RNF123: variants seen among roughly 807,000 people sequenced by gnomAD.
RNF123 encodes the protein E3 ubiquitin-protein ligase RNF123.
In RNF123, 86 loss-of-function variants were observed where a neutral mutation model predicts 168.5. The ratio of observed to expected loss-of-function variants is 0.51; its 90% CI spans 0.43 to 0.61. The LOEUF (loss-of-function observed/expected upper bound fraction) is 0.61, where lower values mean the gene tolerates loss of function less well. RNF123 is among the 20% of genes least tolerant of loss of function. The probability of loss-of-function intolerance (pLI) is 0.00; values close to 1 mark genes in which losing one functional copy is unlikely to be tolerated. For synonymous variants in RNF123, 666 were observed against 689.1 expected (o/e 0.97, Z 0.52); for missense variants, 1,419 against 1,729.7 (o/e 0.82, Z 3.19).
rs199932717 is a variant in RNF123 at position 49,699,753 on chromosome 3, A to C, written c.965A>C (p.His322Pro). 6.8e-6 allele frequency: 11 copies of C among 1,613,494 alleles called. No individual in the cohort carries two copies. The highest frequency in any genetic ancestry group is 9.3e-6 in the Non-Finnish European group (11 of 1,179,952). The change falls in exon 12 of 39, where the codon CAT becomes CCT. Residue 322 changes from histidine (H) to proline (P), a missense_variant. This residue lies in a region of RNF123 where 318 missense variants were observed against 446.6 expected (regional missense o/e 0.71). Coordinates refer to ENST00000327697, the MANE Select transcript of RNF123 (RefSeq NM_022064.5). The surrounding 1 kb of genome is among the most constrained non-coding windows in gnomAD (Gnocchi z 4.8). ...CTCCTCACACTGGCCCACATCTTCC[A>C]TCACTTTGCACCGCTTCTGGTGAGC... ...TVLLTLAHIF[H>P]HFAPLLRKVY...
At chr3:49,698,313 C>A (rs11130214) in intron 7 of RNF123, 127 bp from the exon 8 acceptor site, 1 of 943,576 alleles carries the variant, frequency 1.1e-6, no homozygotes, top group South Asian at 1.5e-5. Flanking sequence ...GAGAATACCT[C>A]TTACTCTTTC....
Position 49,706,021 on chromosome 3 carries a change from G to C in RNF123, c.2344G>C (p.Ala782Pro). The change falls in exon 25 of 39, where the codon GCT (alanine) becomes CCT (proline). Residue 782 changes from alanine to proline, a missense_variant. Physicochemically the swap from Ala to Pro is conservative, Grantham distance 27. Transcript: ENST00000327697. ...CGATGATGTCAATGAATACGCTATGGCTCTGAGGGACACAGAGGACAAGCT... is the reference window on the plus strand; with the variant it reads ...CGATGATGTCAATGAATACGCTATGCCTCTGAGGGACACAGAGGACAAGCT... ...VSDDVNEYAM[A>P]LRDTEDKLRR... 6.2e-7 allele frequency: 1 copy of C among 1,614,166 alleles called. No individual in the cohort carries two copies. The highest frequency in any genetic ancestry group is 8.5e-7 in the Non-Finnish European group (1 of 1,180,026).
intron 26 of RNF123, among the ~76,000 whole-genome samples, chr3:49,710,580 A>G (rs1178377075): frequency 1.3e-5 from 2 of 152,208 alleles, no homozygotes; most frequent in Admixed American, 1.3e-4. Context: ...GCGCCTGGCC[A>G]TATCCTATAA....
Position 49,697,440 on chromosome 3 carries a change from G to A in RNF123, c.325G>A (p.Asp109Asn). 1 of 1,608,872 alleles carries A rather than the reference G, an allele frequency of 6.2e-7. No homozygotes were observed. The highest frequency in any genetic ancestry group is 8.5e-7 in the Non-Finnish European group (1 of 1,177,346). ...TGGFEGLLLV[D>N]DDLLGVIGHS... is the part of the protein sequence containing the mutation. The stretch of plus-strand genomic sequence containing the variant: ...CGGCTTTGAGGGGCTTCTCCTGGTG[G>A]ATGATGACCTGCTGGGGGTGAGTGA... The change falls in exon 5 of 39, where the codon GAT (aspartate) becomes AAT (asparagine). Residue 109 changes from aspartate (D) to asparagine (N), a missense_variant. By Grantham distance (23) the Asp-to-Asn change is conservative. This residue lies in a region of RNF123 where 318 missense variants were observed against 446.6 expected (regional missense o/e 0.71). Transcript: ENST00000327697.
At chr3:49,719,826 C>A in intron 35 of RNF123, 1 of 241,122 alleles carries the variant, frequency 4.1e-6, no homozygotes, top group Non-Finnish European at 8.6e-6. Flanking sequence ...GGAGCAAGGC[C>A]AACCCCAAAG....
chr3:49,702,951 G>C (rs1057258526), intron 20 of RNF123, among the ~76,000 whole-genome samples, 198 bp downstream of exon 20: 2 of 152,196 alleles, frequency 1.3e-5, no homozygotes, highest in East Asian at 1.9e-4. Flanking sequence ...CAGGCCTGCC[G>C]ATCCTGTGTT....
In RNF123 at chr3:49,697,128, T is replaced by C. The variant is rs1481942565; in HGVS notation, c.168-15T>C. ...AAGGACTTGTGGACCCCTGGCAGCCTCTCACTCTCCCCAGGAAACCCCTGA... is the reference window on the plus strand; with the variant it reads ...AAGGACTTGTGGACCCCTGGCAGCCCCTCACTCTCCCCAGGAAACCCCTGA... On this transcript the variant is annotated splice_polypyrimidine_tract_variant and intron_variant, in intron 3 of 38. Coordinates refer to ENST00000327697, the MANE Select transcript of RNF123 (RefSeq NM_022064.5). 1.2e-6 allele frequency: 2 copies of C among 1,611,224 alleles called. No individual in the cohort carries two copies. The highest frequency in any genetic ancestry group is 3.3e-5 in the Admixed American group (2 of 59,980).
rs1442905887 is a variant in RNF123 at position 49,701,795 on chromosome 3, T to G, written c.1396-16T>G. The G allele has an allele frequency of 6.4e-7, 1 of 1,563,204 alleles. No individual in the cohort carries two copies. The highest frequency in any genetic ancestry group is 1.3e-5 in the African/African-American group (1 of 74,134). ...CCAGGTGACCCTGCTGTATTCCACCTGCTACCCCTGCCTAGGGCAAAGAGA... is the reference window on the plus strand; with the variant it reads ...CCAGGTGACCCTGCTGTATTCCACCGGCTACCCCTGCCTAGGGCAAAGAGA... On this transcript the variant is annotated splice_polypyrimidine_tract_variant and intron_variant, in intron 16 of 38. Transcript: ENST00000327697.
At position 49,705,064 on chromosome 3, in the gene RNF123, A is replaced by G. The variant is rs747577471; in HGVS notation, c.2040A>G (p.Arg680=). The part of the protein sequence containing the change: ...PGWLSSPTLG[R]ANRFLSTAAV... ...GGCTCAGTTCTCCAACTTTGGGCCG[A>G]GCCAACCGCTTCCTCAGCACAGCGG... Residue 680 remains arginine (R), a synonymous_variant, in exon 23 of 39, where the codon CGA becomes CGG. Coordinates refer to ENST00000327697, the MANE Select transcript of RNF123 (RefSeq NM_022064.5). The G allele has an allele frequency of 1.2e-6, 2 of 1,611,760 alleles. No individual in the cohort carries two copies. The highest frequency in any genetic ancestry group is 2.7e-5 in the African/African-American group (2 of 74,872).
rs557796279 is a variant in RNF123, at chr3:49,712,160, G to A, written c.2497-319G>A. Among the ~76,000 whole-genome samples the A allele has an allele frequency of 2.6e-5, 4 of 152,070 alleles. No homozygotes were observed. The East Asian group carries it at 7.7e-4, about 29-fold the overall frequency. Reference sequence around the variant, plus strand: ...CAATCCCTTGAACTTGGGAGGCGGAGGTTTCCAGTGAGCCAAGAGGGCGTC... The same window carrying A: ...CAATCCCTTGAACTTGGGAGGCGGAAGTTTCCAGTGAGCCAAGAGGGCGTC... On this transcript the variant is annotated intron_variant, in intron 26 of 38. Transcript: ENST00000327697.
intron 22 of RNF123, 26 bp downstream of exon 22, chr3:49,704,782 G>A (rs1289481831): frequency 2.6e-6 from 4 of 1,546,916 alleles, no homozygotes; most frequent in Non-Finnish European, 3.5e-6. Flanking sequence ...CAGGCGGTGG[G>A]ATTTGTGTTG....
intron 7 of RNF123, 149 bp downstream of exon 7, chr3:49,698,286 C>A: frequency 1.1e-6 from 1 of 917,934 alleles, no homozygotes; most frequent in South Asian, 1.5e-5. Flanking sequence ...CCACCCAATC[C>A]CAGGCACCCC....
At chr3:49,700,599 G>A (rs774831798) in intron 14 of RNF123, 35 bp downstream of exon 14, 4 of 1,614,162 alleles carry the variant, frequency 2.5e-6, no homozygotes, top group Admixed American at 1.7e-5. Flanking sequence ...AGCCCCCTGG[G>A]ACTCGCCTGT....
intron 26 of RNF123, among the ~76,000 whole-genome samples, chr3:49,708,672 G>A (rs1193042378): frequency 6.6e-6 from 1 of 152,236 alleles, no homozygotes; most frequent in Non-Finnish European, 1.5e-5. Context: ...GTTCTTTTGT[G>A]TATGGCTTTA....
At chr3:49,719,100 C>T (rs924815204) in intron 35 of RNF123, 2 of 1,613,550 alleles carry the variant, frequency 1.2e-6, no homozygotes, top group African/African-American at 2.7e-5. Context: ...GGCCAAGCGC[C>T]CGCAACGTGT....
In RNF123 at chr3:49,698,110, C is replaced by T; in HGVS notation, c.456C>T (p.Cys152=). 1 of 1,613,682 alleles carries T rather than the reference C, an allele frequency of 6.2e-7. No individual in the cohort carries two copies. Among genetic ancestry groups the T allele is most frequent in the Non-Finnish European group, 8.5e-7 (1 of 1,179,880 alleles). ...AGGGGCTCATGCAGATCGGCTGGTGCACCATCAGCTGCCGCTTCAACCAGG... is the reference window on the plus strand; with the variant it reads ...AGGGGCTCATGCAGATCGGCTGGTGTACCATCAGCTGCCGCTTCAACCAGG... ...SSQGLMQIGW[C]TISCRFNQEE... is the part of the protein sequence containing the mutation. The change falls in exon 7 of 39, where the codon TGC becomes TGT. Residue 152 remains cysteine, a synonymous_variant. Coordinates refer to ENST00000327697, the MANE Select transcript of RNF123 (RefSeq NM_022064.5).
intron 3 of RNF123, among the ~76,000 whole-genome samples, chr3:49,693,545 TGGG>T (rs998562248): frequency 5.9e-5 from 9 of 151,530 alleles, no homozygotes; most frequent in African/African-American, 2.2e-4. Context: ...TTAGTAGAGA[TGGG>T]GTTTCGCCAT....
chr3:49,704,004 G>C (rs989331161), intron 21 of RNF123, among the ~76,000 whole-genome samples: 8 of 152,230 alleles, frequency 5.3e-5, no homozygotes, highest in Admixed American at 5.2e-4. Context: ...CAGGTAGGTA[G>C]GGGAGGGCAC....
intron 35 of RNF123, chr3:49,717,789 T>TACCA (rs1351666425): frequency 1.3e-6 from 1 of 773,554 alleles, no homozygotes; most frequent in African/African-American, 1.7e-5. Context: ...CCCCTGTCTC[T>TACCA]ACCAGTGAGC....
Sources: gnomAD v4.1 joint callset for allele counts (sites outside exome capture counted in the v4.1 genomes callset) on GRCh38, gnomAD v4.1.1 for gene constraint, gnomAD v4.1.1 regional missense constraint, Gnocchi (gnomAD v3.1) non-coding constraint, MANE v1.5 for transcripts, NCBI Gene and HGNC (gene_info 2026-07-23, HGNC 2026-07-21) for gene names.